ADCY7: variants seen among roughly 807,000 people sequenced by gnomAD.
ADCY7 encodes the protein adenylate cyclase type 7.
ADCY7 carries 72 observed loss-of-function variants against 120.6 expected under a neutral mutation model. The ratio of observed to expected loss-of-function variants is 0.60; its 90% CI spans 0.49 to 0.73. The LOEUF is 0.73. ADCY7 is among the 30% of genes least tolerant of loss of function. The probability of loss-of-function intolerance (pLI) is 0.00; values close to 1 mark genes in which losing one functional copy is unlikely to be tolerated. For missense variants in ADCY7, 1,227 were observed against 1,486.0 expected, an observed-to-expected ratio of 0.83 and a Z score of 2.87; for synonymous variants, 661 against 628.0, an observed-to-expected ratio of 1.05 and a Z score of -0.78.
At chr16:50,272,688 G>A (rs948310846) in intron 1 of ADCY7, among the ~76,000 whole-genome samples, 1 of 152,140 alleles carries the variant, frequency 6.6e-6, no homozygotes, top group Non-Finnish European at 1.5e-5. Flanking sequence ...TGCTGTTCTT[G>A]GGAGTCTGGG....
chr16:50,284,751 G>A (rs2034478072), intron 1 of ADCY7, among the ~76,000 whole-genome samples: 1 of 152,268 alleles, frequency 6.6e-6, no homozygotes, highest in South Asian at 2.1e-4. Flanking sequence ...GCAGACCTGG[G>A]TTTGCATCCC....
intron 1 of ADCY7, among the ~76,000 whole-genome samples, chr16:50,253,060 A>G (rs1337394640): frequency 6.6e-6 from 1 of 152,140 alleles, no homozygotes; most frequent in East Asian, 1.9e-4. Flanking sequence ...TTAAAGTGTT[A>G]CAGACATCAG....
rs558756425 is a variant in ADCY7 at position 50,293,823 on chromosome 16, G to A, written c.836+321G>A. 1.5e-4 allele frequency among the ~76,000 whole-genome samples: 23 copies of A among 152,326 alleles called. No homozygotes were observed. In the South Asian group the frequency reaches 4.8e-3, roughly 32 times the overall value. ...GGGTCCTTTCAGATGGTTCTCAAGG[G>A]AGCACAGGACCCCCAGAATGAGGTA... On this transcript the variant is annotated intron_variant, in intron 6 of 25. Transcript: ENST00000673801.
At chr16:50,300,593 C>T in intron 8 of ADCY7, 122 bp from the exon 9 acceptor site, 1 of 1,190,352 alleles carries the variant, frequency 8.4e-7, no homozygotes, top group Non-Finnish European at 1.2e-6. Flanking sequence ...AGAACATTCT[C>T]TCCCGTGGGC....
intron 24 of ADCY7, 68 bp from the exon 25 acceptor site, chr16:50,314,946 G>A: frequency 6.3e-7 from 1 of 1,587,274 alleles, no homozygotes; most frequent in Non-Finnish European, 8.6e-7. Flanking sequence ...GGATTCTCTG[G>A]CCTCCTCTAA....
intron 1 of ADCY7, among the ~76,000 whole-genome samples, chr16:50,281,427 G>A (rs1442574687): frequency 2.0e-5 from 3 of 152,164 alleles, no homozygotes; most frequent in Admixed American, 2.0e-4. Context: ...CGATCTTGAG[G>A]GAGGCCCTTT....
At position 50,310,695 on chromosome 16, in the gene ADCY7, C is replaced by G. The variant is rs771874224; in HGVS notation, c.2169C>G (p.Thr723=). The G allele has an allele frequency of 6.2e-7, 1 of 1,613,712 alleles. No individual in the cohort carries two copies. Among genetic ancestry groups the G allele is most frequent in the African/African-American group, 1.3e-5 (1 of 74,876 alleles). The change falls in exon 19 of 26, where the codon ACC becomes ACG. Residue 723 remains threonine (T), a synonymous_variant. Coordinates refer to ENST00000673801, the MANE Select transcript of ADCY7 (RefSeq NM_001114.5). ...RALCEPLPYY[T]CSCVLGFIAC... Reference sequence around the variant, plus strand: ...ACACCCTGCCCCCTCAGTACTACACCTGCAGCTGTGTCCTGGGCTTCATCG... The same window carrying G: ...ACACCCTGCCCCCTCAGTACTACACGTGCAGCTGTGTCCTGGGCTTCATCG...
At chr16:50,260,084 C>T (rs1419911297) in intron 1 of ADCY7, among the ~76,000 whole-genome samples, 4 of 152,192 alleles carry the variant, frequency 2.6e-5, no homozygotes, top group South Asian at 4.1e-4. Flanking sequence ...AGCTGGGGGG[C>T]GTGAAACCAC....
Position 50,266,647 on chromosome 16 carries a change from C to A in ADCY7, c.-302C>A. 6.5e-6 allele frequency: 1 copy of A among 153,080 alleles called. No individual in the cohort carries two copies. The highest frequency in any genetic ancestry group is 2.0e-4 in the South Asian group (1 of 5,076). The allele number at this position is 153,080 out of a possible 1,614,324, so 9.5% of individuals were successfully genotyped here. A position where few individuals can be genotyped will look rare whatever the true frequency, so the allele number is the denominator to read the frequency against. On this transcript the variant is annotated 5_prime_UTR_variant, in exon 1 of 26. It adds an upstream start codon to the 5' untranslated region. Transcript: ENST00000673801. ...GGGCCGGGCCACCTCCCTGCAGACC[C>A]TGGCCGGCTGCTGGGGCCGGGGAGG... is the stretch of plus-strand genomic sequence containing the variant.
Position 50,309,396 on chromosome 16 carries a change from G to A in ADCY7, c.2062-152G>A, listed in dbSNP as rs117759432. The A allele has an allele frequency of 7.9e-4, 486 of 613,668 alleles. 2 individuals carry two copies. The East Asian group carries it at 0.013, about 16-fold the overall frequency. 38.0% of individuals were successfully genotyped at this position (613,668 alleles called of 1,614,324 possible). A position where few individuals can be genotyped will look rare whatever the true frequency, so the allele number is the denominator to read the frequency against. The stretch of plus-strand genomic sequence containing the variant: ...AACCTGACGGCTGCTGTGGGGAGTC[G>A]GCACGGCGGCTTGAGCCGTGCTCAG... On this transcript the variant is annotated intron_variant, in intron 17 of 25. Coordinates refer to ENST00000673801, the MANE Select transcript of ADCY7 (RefSeq NM_001114.5).
upstream of ADCY7, among the ~76,000 whole-genome samples, chr16:50,261,797 A>C (rs1445326077): frequency 3.9e-5 from 6 of 152,154 alleles, no homozygotes; most frequent in Admixed American, 1.3e-4. Flanking sequence ...GCTCCTCTTC[A>C]TCCTGCCAGG....
chr16:50,282,557 C>T (rs963581408), intron 1 of ADCY7, among the ~76,000 whole-genome samples: 1 of 152,106 alleles, frequency 6.6e-6, no homozygotes. Context: ...GGAAGTAATT[C>T]GATGGGGTCC....
intron 1 of ADCY7, among the ~76,000 whole-genome samples, chr16:50,272,703 C>T (rs2033650493): frequency 6.6e-6 from 1 of 152,110 alleles, no homozygotes; most frequent in Non-Finnish European, 1.5e-5. Flanking sequence ...TCTGGGTCTC[C>T]CTCCTCCTGG....
chr16:50,310,809 C>T lies in ADCY7; in HGVS notation c.2283C>T (p.Leu761=). 1.9e-6 allele frequency: 3 copies of T among 1,614,070 alleles called. No homozygotes were observed. Among genetic ancestry groups the T allele is most frequent in the Non-Finnish European group, 2.5e-6 (3 of 1,179,972 alleles). ...ALVAYLVLFN[L]SPCWQWDCCG... ...TGGCCTACCTGGTGCTCTTCAACCT[C>T]TCCCCATGCTGGCAGTGGGACTGCT... Residue 761 remains leucine (L), a synonymous_variant, in exon 19 of 26, where the codon CTC becomes CTT. Coordinates refer to ENST00000673801, the MANE Select transcript of ADCY7 (RefSeq NM_001114.5).
In ADCY7 at chr16:50,313,978, C is replaced by T. The variant is rs1304050924; in HGVS notation, c.2772C>T (p.Phe924=). Residue 924 remains phenylalanine, a synonymous_variant, in exon 23 of 26, where the codon TTC becomes TTT. Transcript: ENST00000673801. The part of the protein sequence containing the change: ...DFDELLLKPK[F]SGVEKIKTIG... ...TGCAGCTCCTACTGAAGCCCAAGTTCAGCGGCGTGGAGAAGATCAAGACCA... is the reference window on the plus strand; with the variant it reads ...TGCAGCTCCTACTGAAGCCCAAGTTTAGCGGCGTGGAGAAGATCAAGACCA... The T allele has an allele frequency of 6.8e-6, 11 of 1,613,900 alleles. No individual in the cohort carries two copies. The African/African-American group carries it at 1.3e-4, about 20-fold the overall frequency.
At chr16:50,312,308 T>C in intron 21 of ADCY7, 117 bp downstream of exon 21, 1 of 1,173,806 alleles carries the variant, frequency 8.5e-7, no homozygotes, top group Non-Finnish European at 1.2e-6. Flanking sequence ...GGTCCTGGCC[T>C]CACCGGGATG....
At chr16:50,266,337 T>C (rs967098921), upstream of ADCY7, among the ~76,000 whole-genome samples, 2 of 152,194 alleles carry the variant, frequency 1.3e-5, no homozygotes, top group Admixed American at 1.3e-4. Flanking sequence ...TCAAAATTGT[T>C]CCAGCTTCAA....
rs909269436 is a variant in ADCY7, at chr16:50,269,903, G to A, written c.-269+3223G>A. Among the ~76,000 whole-genome samples the A allele has an allele frequency of 2.6e-5, 4 of 152,086 alleles. No homozygotes were observed. The East Asian group carries it at 5.8e-4, about 22-fold the overall frequency. ...GGCATTTACTACTTTTAAAAGACAC[G>A]TGTGGCCAGGCACCGTGGTTCACAC... On this transcript the variant is annotated intron_variant, in intron 1 of 25. Coordinates refer to ENST00000673801, the MANE Select transcript of ADCY7 (RefSeq NM_001114.5).
At chr16:50,274,686 G>GT (rs1354279907) in intron 1 of ADCY7, among the ~76,000 whole-genome samples, 5 of 152,138 alleles carry the variant, frequency 3.3e-5, no homozygotes, top group African/African-American at 1.2e-4. Flanking sequence ...CAGGCTTGCT[G>GT]TTGGGACAGG....
Sources: allele counts gnomAD v4.1 joint callset (sites outside exome capture counted in the v4.1 genomes callset), GRCh38; gene constraint gnomAD v4.1.1; transcripts MANE v1.5; gene names NCBI Gene and HGNC (gene_info 2026-07-23, HGNC 2026-07-21).